SOBP: variants seen among roughly 807,000 people sequenced by gnomAD.
SOBP encodes sine oculis-binding protein homolog.
SOBP carries 4 observed loss-of-function variants against 53.6 expected under a neutral mutation model. The ratio of observed to expected loss-of-function variants is 0.07; its 90% CI spans 0.04 to 0.17. The LOEUF (loss-of-function observed/expected upper bound fraction) is 0.17, where lower values mean the gene tolerates loss of function less well. SOBP is among the 10% of genes least tolerant of loss of function. The pLI is 1.00. For missense variants in SOBP, 1,088 were observed against 1,204.7 expected (o/e 0.90, Z 1.43); for synonymous variants, 584 against 522.6 (o/e 1.12, Z -1.60).
chr6:107,505,832 G>C (rs1717707992), intron 2 of SOBP, among the ~76,000 whole-genome samples: 1 of 151,652 alleles, frequency 6.6e-6, no homozygotes, highest in Non-Finnish European at 1.5e-5. Context: ...TGTATTTTTA[G>C]TAGAGACGGG....
At chr6:107,596,362 G>T (rs1785948329) in intron 5 of SOBP, among the ~76,000 whole-genome samples, 2 of 152,018 alleles carry the variant, frequency 1.3e-5, no homozygotes, top group Non-Finnish European at 2.9e-5. Context: ...GGACGCTTAA[G>T]AATTATTTGA....
intron 5 of SOBP, 89 bp downstream of exon 5, chr6:107,587,264 T>C (rs1229029471): frequency 1.4e-5 from 14 of 1,005,200 alleles, no homozygotes; most frequent in African/African-American, 6.3e-5. Context: ...GATTACATAA[T>C]TGATGAAATA....
rs75940305 is a variant in SOBP, at chr6:107,493,439, G to A, written c.96+2727G>A. On this transcript the variant is annotated intron_variant, in intron 1 of 6. Coordinates refer to ENST00000317357, the MANE Select transcript of SOBP (RefSeq NM_018013.4). ...TAGGGGAAATGAAAGGGGGAAAGAA[G>A]AGAGAGCAAATGGAAAAGTCAGCCT... 7.2e-3 allele frequency among the ~76,000 whole-genome samples: 1,099 copies of A among 152,330 alleles called. 38 individuals are homozygous for A. The East Asian group carries it at 0.1, about 14-fold the overall frequency.
intron 4 of SOBP, among the ~76,000 whole-genome samples, chr6:107,580,504 C>T (rs773349909): frequency 2.0e-5 from 3 of 152,092 alleles, no homozygotes; most frequent in African/African-American, 4.8e-5. Flanking sequence ...TGGTCTCTGC[C>T]GTCAAGGAGT....
At chr6:107,653,969 C>T (rs1771912183) in intron 6 of SOBP, among the ~76,000 whole-genome samples, 1 of 152,160 alleles carries the variant, frequency 6.6e-6, no homozygotes, top group Non-Finnish European at 1.5e-5. Context: ...ATCTATAATT[C>T]TCTGGAAAAT....
chr6:107,561,832 A>G (rs1205911244), intron 4 of SOBP, among the ~76,000 whole-genome samples: 4 of 152,168 alleles, frequency 2.6e-5, no homozygotes, highest in Non-Finnish European at 2.9e-5. Context: ...AGATGGAGTA[A>G]TTATTACAGC....
chr6:107,583,693 T>TTTTTG (rs1171538818), intron 4 of SOBP, among the ~76,000 whole-genome samples: 1 of 151,918 alleles, frequency 6.6e-6, no homozygotes, highest in African/African-American at 2.4e-5. Flanking sequence ...ACCTGGCTAG[T>TTTTTG]TTTTGTTTTG....
chr6:107,576,610 G>A (rs1785232827), intron 4 of SOBP, among the ~76,000 whole-genome samples: 1 of 152,212 alleles, frequency 6.6e-6, no homozygotes, highest in Non-Finnish European at 1.5e-5. Flanking sequence ...CACAGTCAGA[G>A]TGAGGGTGGT....
chr6:107,598,837 A>C (rs1017056935), intron 5 of SOBP, among the ~76,000 whole-genome samples: 10 of 152,222 alleles, frequency 6.6e-5, no homozygotes, highest in African/African-American at 2.4e-4. Flanking sequence ...TAATATAAAT[A>C]ACTGGCAAAG....
intron 5 of SOBP, 133 bp from the exon 6 acceptor site, chr6:107,633,381 A>T: frequency 8.8e-7 from 1 of 1,130,438 alleles, no homozygotes; most frequent in Non-Finnish European, 1.3e-6. Context: ...TTTACCTTTT[A>T]GAAGGAAACA....
rs1298010500 is a variant in SOBP, at chr6:107,533,639, C to G, written c.573+29C>G. ...AGAGCACCGGAGAGAGAGGCGGCCC[C>G]CCACAGGCCTCACCAGCCCACACGC... On this transcript the variant is annotated intron_variant, in intron 4 of 6. Transcript: ENST00000317357. 3.1e-6 allele frequency: 5 copies of G among 1,613,614 alleles called. No individual in the cohort carries two copies. The African/African-American group carries it at 5.3e-5, about 17-fold the overall frequency.
chr6:107,570,101 G>A (rs927494574), intron 4 of SOBP, among the ~76,000 whole-genome samples: 1 of 152,218 alleles, frequency 6.6e-6, no homozygotes, highest in South Asian at 2.1e-4. Flanking sequence ...ATCAGTTACA[G>A]AGGAATACCA....
intron 3 of SOBP, among the ~76,000 whole-genome samples, chr6:107,530,413 T>C (rs1029804125): frequency 1.3e-5 from 2 of 152,106 alleles, no homozygotes; most frequent in Non-Finnish European, 2.9e-5. Flanking sequence ...TGTTCACTTT[T>C]CTAGGGGTGC....
In SOBP at chr6:107,572,427, C is replaced by T. The variant is rs549057308; in HGVS notation, c.574-14653C>T. Among the ~76,000 whole-genome samples the T allele has an allele frequency of 7.2e-5, 11 of 152,086 alleles. No homozygotes were observed. In the South Asian group the frequency reaches 1.5e-3, roughly 20 times the overall value. The stretch of plus-strand genomic sequence containing the variant: ...CAAGTGATTCTTGTGTCTCAACCTC[C>T]GGAGTAGCTGGGACTACAGGTGCCC... On this transcript the variant is annotated intron_variant, in intron 4 of 6. Transcript: ENST00000317357.
In SOBP at chr6:107,504,097, A is replaced by G. The variant is rs138010312; in HGVS notation, c.235+302A>G. On this transcript the variant is annotated intron_variant, in intron 2 of 6. Coordinates refer to ENST00000317357, the MANE Select transcript of SOBP (RefSeq NM_018013.4). ...TTAAAGAAAGGGACAATGTTTGCTA[A>G]CTAGAGTTTCCTGATCACTTTGATA... Among the ~76,000 whole-genome samples, 660 of 152,340 alleles carry G rather than the reference A, an allele frequency of 4.3e-3. 3 individuals are homozygous for G. Among genetic ancestry groups the G allele is most frequent in the African/African-American group, 0.015 (630 of 41,572 alleles).
chr6:107,535,635 GTGT>G (rs1783972207), intron 4 of SOBP, among the ~76,000 whole-genome samples: 1 of 141,650 alleles, frequency 7.1e-6, no homozygotes, highest in Admixed American at 6.9e-5. Flanking sequence ...GTGTGTGTGT[GTGT>G]TTTTTTTTTT....
At chr6:107,567,021 G>A (rs1784938106) in intron 4 of SOBP, among the ~76,000 whole-genome samples, 1 of 152,214 alleles carries the variant, frequency 6.6e-6, no homozygotes, top group South Asian at 2.1e-4. Context: ...GACATTTAGT[G>A]TAACATTGAA....
chr6:107,554,733 C>T (rs1409720895), intron 4 of SOBP, among the ~76,000 whole-genome samples: 1 of 152,110 alleles, frequency 6.6e-6, no homozygotes, highest in African/African-American at 2.4e-5. Context: ...CTAAATGACT[C>T]CCACTTCTGT....
chr6:107,505,586 G>T (rs1225852175), intron 2 of SOBP, among the ~76,000 whole-genome samples: 2 of 152,018 alleles, frequency 1.3e-5, no homozygotes, highest in Non-Finnish European at 2.9e-5. Flanking sequence ...GCTACCTGAA[G>T]TGCTGGGATT....
Sources: allele counts gnomAD v4.1 joint callset (sites outside exome capture counted in the v4.1 genomes callset), GRCh38; gene constraint gnomAD v4.1.1; transcripts MANE v1.5; gene names NCBI Gene and HGNC (gene_info 2026-07-23, HGNC 2026-07-21).